The following AKAP19 variants were observed in gnomAD, a reference collection of about 807,000 sequenced individuals.
The protein encoded by AKAP19 is A-kinase anchoring protein 19.
chr2:190,047,107 G>A, the AKAP19 span, among the ~76,000 whole-genome samples: 1 of 152,138 alleles, frequency 6.6e-6, no homozygotes, highest in Non-Finnish European at 1.5e-5. Context: ...TCCTCAGGGA[G>A]ACATACAAGG....
At chr2:189,945,100 G>A in the AKAP19 span, among the ~76,000 whole-genome samples, 1 of 152,126 alleles carries the variant, frequency 6.6e-6, no homozygotes, top group South Asian at 2.1e-4. Flanking sequence ...GTAGTACTAA[G>A]AGGGAAGTTT....
chr2:189,934,416 T>A, the AKAP19 span, among the ~76,000 whole-genome samples: 1 of 152,056 alleles, frequency 6.6e-6, no homozygotes, highest in Non-Finnish European at 1.5e-5. Context: ...TAATTTTTGG[T>A]TCATGCATTG....
the AKAP19 span, among the ~76,000 whole-genome samples, chr2:190,018,650 G>T: frequency 6.6e-6 from 1 of 152,008 alleles, no homozygotes; most frequent in Non-Finnish European, 1.5e-5. Flanking sequence ...TTTCTGCAGG[G>T]TCTATTTTGG....
the AKAP19 span, among the ~76,000 whole-genome samples, chr2:190,122,372 C>T: frequency 6.6e-6 from 1 of 152,290 alleles, no homozygotes. Context: ...GTATTTTCTA[C>T]TTTATCTGAA....
chr2:190,138,445 AGCT>A, the AKAP19 span, among the ~76,000 whole-genome samples: 124 of 152,316 alleles, frequency 8.1e-4, no homozygotes, highest in African/African-American at 2.8e-3. Flanking sequence ...TAGGCAGTTC[AGCT>A]GCTCTAATTC....
the AKAP19 span, among the ~76,000 whole-genome samples, chr2:190,034,166 T>G: frequency 6.6e-6 from 1 of 151,962 alleles, no homozygotes; most frequent in Non-Finnish European, 1.5e-5. Flanking sequence ...TAAACAAAGA[T>G]GTTTATCAAG....
chr2:189,938,283 C>T, the AKAP19 span, among the ~76,000 whole-genome samples: 1 of 151,474 alleles, frequency 6.6e-6, no homozygotes, highest in East Asian at 1.9e-4. Context: ...TTGCTGTGAG[C>T]CGAGATCATG....
the AKAP19 span, among the ~76,000 whole-genome samples, chr2:189,977,248 C>T: frequency 2.6e-5 from 4 of 152,180 alleles, no homozygotes; most frequent in South Asian, 8.3e-4. Flanking sequence ...TCCTGAGTGC[C>T]TTCTATATGT....
the AKAP19 span, among the ~76,000 whole-genome samples, chr2:189,898,863 A>G: frequency 6.6e-6 from 1 of 152,168 alleles, no homozygotes; most frequent in Admixed American, 6.6e-5. Flanking sequence ...TGCAAATCTA[A>G]TCAAATCACT....
the AKAP19 span, among the ~76,000 whole-genome samples, chr2:189,998,763 CTTTCTTTCTTTT>C: frequency 1.2e-5 from 1 of 83,184 alleles, no homozygotes; most frequent in East Asian, 3.9e-4. Flanking sequence ...TTCTTTCTTT[CTTTCTTTCTTTT>C]TTTTTTTTTT....
the AKAP19 span, among the ~76,000 whole-genome samples, chr2:189,926,358 G>A: frequency 2.0e-5 from 3 of 152,020 alleles, no homozygotes; most frequent in Admixed American, 2.0e-4. Flanking sequence ...GCAGTGGCGC[G>A]ATCTAGGCTC....
At chr2:190,186,344 A>G in the AKAP19 span, among the ~76,000 whole-genome samples, 3 of 152,184 alleles carry the variant, frequency 2.0e-5, no homozygotes, top group Non-Finnish European at 4.4e-5. This position sits in a 1 kb window ranked among gnomAD's most constrained non-coding sequence, Gnocchi z 5.5. Context: ...AATCTCAAAC[A>G]TTGTCTCATT....
the AKAP19 span, among the ~76,000 whole-genome samples, chr2:190,017,629 C>T: frequency 6.6e-6 from 1 of 152,040 alleles, no homozygotes; most frequent in Non-Finnish European, 1.5e-5. Flanking sequence ...TTTATTTTAG[C>T]TATAGCTGTT....
chr2:189,956,014 G>T, the AKAP19 span, among the ~76,000 whole-genome samples: 3 of 151,864 alleles, frequency 2.0e-5, no homozygotes, highest in African/African-American at 7.3e-5. Flanking sequence ...TTCTAAATTT[G>T]GGTGTAAGAA....
At chr2:190,026,570 G>C in the AKAP19 span, among the ~76,000 whole-genome samples, 1 of 152,306 alleles carries the variant, frequency 6.6e-6, no homozygotes, top group South Asian at 2.1e-4. Context: ...CAGCACTTCT[G>C]CTTTGCAGCT....
chr2:190,113,725 C>G, the AKAP19 span, among the ~76,000 whole-genome samples: 1 of 152,170 alleles, frequency 6.6e-6, no homozygotes, highest in Admixed American at 6.5e-5. Flanking sequence ...CTGCATGACT[C>G]CTCAGAAGTC....
chr2:190,114,396 T>C, the AKAP19 span, among the ~76,000 whole-genome samples: 1 of 152,250 alleles, frequency 6.6e-6, no homozygotes, highest in Non-Finnish European at 1.5e-5. Flanking sequence ...TTTTCTGAAA[T>C]TTATTTCTCC....
chr2:190,100,759 C>T, the AKAP19 span, among the ~76,000 whole-genome samples: 1 of 152,126 alleles, frequency 6.6e-6, no homozygotes, highest in East Asian at 1.9e-4. Context: ...CAAGATAGTA[C>T]ATAAAGATCA....
the AKAP19 span, among the ~76,000 whole-genome samples, chr2:189,924,500 GT>G: frequency 6.6e-6 from 1 of 152,116 alleles, no homozygotes; most frequent in Non-Finnish European, 1.5e-5. Flanking sequence ...ATGATGTATG[GT>G]TTTTATCAAC....
Sources: allele counts gnomAD v4.1 joint callset (sites outside exome capture counted in the v4.1 genomes callset), GRCh38; gene constraint gnomAD v4.1.1; non-coding constraint Gnocchi (gnomAD v3.1); transcripts MANE v1.5; gene names NCBI Gene and HGNC (gene_info 2026-07-23, HGNC 2026-07-21).